The following SMG7 variants were observed in gnomAD, a reference collection of about 807,000 sequenced individuals.
The protein encoded by SMG7 is nonsense-mediated mRNA decay factor SMG7.
A neutral mutation model predicts 148.2 loss-of-function variants in SMG7; 34 were observed. The observed-to-expected ratio is 0.23, with a 90% CI of 0.17 to 0.31. The LOEUF (loss-of-function observed/expected upper bound fraction) is 0.31, where lower values mean the gene tolerates loss of function less well. Ranked by LOEUF, SMG7 falls within the 10% of genes least tolerant of loss-of-function variation. The pLI, the probability that SMG7 is intolerant of heterozygous loss-of-function variation, is 1.00. For synonymous variants in SMG7, 492 were observed against 515.1 expected (o/e 0.96, Z 0.61); for missense variants, 1,114 against 1,408.4 (o/e 0.79, Z 3.35).
intron 1 of SMG7, among the ~76,000 whole-genome samples, chr1:183,500,207 G>C (rs1486599277): frequency 2.0e-5 from 3 of 152,002 alleles, no homozygotes; most frequent in African/African-American, 7.2e-5. Flanking sequence ...TTTATATTAT[G>C]TTCTGTTTGA....
chr1:183,499,968 A>G (rs183413884), intron 1 of SMG7, among the ~76,000 whole-genome samples: 1 of 152,226 alleles, frequency 6.6e-6, no homozygotes, highest in Admixed American at 6.5e-5. Context: ...ACTAATTTTA[A>G]TCTGTTTATT....
In SMG7 at chr1:183,537,137, A is replaced by AT. The variant is rs1274107289; in HGVS notation, c.1164-5dup. The stretch of plus-strand genomic sequence containing the variant: ...AAATAAAGTCTGAACTCTTTCTTTA[A>AT]TTTACAGCATTTGGCCCTGGTTGAT... On this transcript the variant is annotated splice_region_variant and splice_polypyrimidine_tract_variant and intron_variant, in intron 10 of 22. Transcript: ENST00000688051. 6.2e-7 allele frequency: 1 copy of AT among 1,605,948 alleles called. No homozygotes were observed. The highest frequency in any genetic ancestry group is 8.5e-7 in the Non-Finnish European group (1 of 1,172,764).
At chr1:183,507,485 TCTG>T (rs1261705897) in intron 1 of SMG7, among the ~76,000 whole-genome samples, 1 of 152,242 alleles carries the variant, frequency 6.6e-6, no homozygotes, top group Non-Finnish European at 1.5e-5. Context: ...TTATGCTACT[TCTG>T]CTACTTACTA....
chr1:183,551,066 A>G lies in SMG7; in HGVS notation c.3326A>G (p.Asp1109Gly), dbSNP rs368937910. Residue 1109 changes from aspartate (D) to glycine (G), a missense_variant, in exon 22 of 23, where the codon GAT becomes GGT. Asp to Gly is a moderately conservative substitution (Grantham distance 94). Coordinates refer to ENST00000688051, the MANE Select transcript of SMG7 (RefSeq NM_001375584.1). The stretch of plus-strand genomic sequence containing the variant: ...TTAGCCATGGGTGGGTTTGGCATTG[A>G]TTATCTCTCAGCAACGTCATCCTCT... ...DKPAMGGFGIDYLSATSSSES... is the reference protein window; with the variant it reads ...DKPAMGGFGIGYLSATSSSES... 18 of 1,613,902 alleles carry G rather than the reference A, an allele frequency of 1.1e-5. No individual in the cohort carries two copies. The highest frequency in any genetic ancestry group is 1.7e-5 in the Admixed American group (1 of 59,968).
Position 183,504,495 on chromosome 1 carries a change from C to T in SMG7, c.30-8342C>T, listed in dbSNP as rs546969827. On this transcript the variant is annotated intron_variant, in intron 1 of 22. Coordinates refer to ENST00000688051, the MANE Select transcript of SMG7 (RefSeq NM_001375584.1). ...AGCTGGGATGACAGGCACCCGTCAC[C>T]ATGCCCGGCTAATTTTTATATTTTT... 1.6e-3 allele frequency among the ~76,000 whole-genome samples: 249 copies of T among 152,114 alleles called. 1 individual carries two copies. The highest frequency in any genetic ancestry group is 3.4e-3 in the Middle Eastern group (1 of 294).
At chr1:183,537,505 T>G (rs1331732738) in intron 11 of SMG7, among the ~76,000 whole-genome samples, 1 of 152,166 alleles carries the variant, frequency 6.6e-6, no homozygotes, top group Admixed American at 6.5e-5. Context: ...AAAAAGCAAT[T>G]AACATGAACA....
At chr1:183,533,374 A>G (rs1188785995) in intron 9 of SMG7, 48 bp downstream of exon 9, 2 of 1,559,682 alleles carry the variant, frequency 1.3e-6, no homozygotes, top group Non-Finnish European at 1.8e-6. Flanking sequence ...GAAAAACATC[A>G]TCTTAGGCAT....
In SMG7 at chr1:183,542,497, G is replaced by A. The variant is rs747569097; in HGVS notation, c.1837G>A (p.Val613Met). Reference protein sequence around the residue: ...LQETGKQNVAVQVKSQTELRK... With the variant: ...LQETGKQNVAMQVKSQTELRK... The stretch of plus-strand genomic sequence containing the variant: ...GGAAACAGGAAAGCAGAATGTGGCA[G>A]TGCAGGTAAGCTGTATTTGAACTAT... Residue 613 changes from valine (V) to methionine (M), a missense_variant, in exon 14 of 23, where the codon GTG becomes ATG. Coordinates refer to ENST00000688051, the MANE Select transcript of SMG7 (RefSeq NM_001375584.1). 6.2e-7 allele frequency: 1 copy of A among 1,611,618 alleles called. No individual in the cohort carries two copies. The highest frequency in any genetic ancestry group is 8.5e-7 in the Non-Finnish European group (1 of 1,178,938).
Position 183,549,769 on chromosome 1 carries a change from A to G in SMG7, c.2979A>G (p.Arg993=). The change falls in exon 20 of 23, where the codon AGA becomes AGG. Residue 993 remains arginine, a synonymous_variant. Transcript: ENST00000688051. ...TTCACTGTCATGTCTTTCAGGAAAG[A>G]TACCCAAATAATAGTATGTTCAATG... ...SLTGFSLNQE[R]YPNNSMFNEV... is the part of the protein sequence containing the mutation. 1 of 1,613,384 alleles carries G rather than the reference A, an allele frequency of 6.2e-7. No individual in the cohort carries two copies. The highest frequency in any genetic ancestry group is 8.5e-7 in the Non-Finnish European group (1 of 1,179,418).
chr1:183,549,889 G>A lies in SMG7; in HGVS notation c.3099G>A (p.Gly1033=). The change falls in exon 20 of 23, where the codon GGG becomes GGA. Residue 1033 remains glycine (G), a synonymous_variant. Coordinates refer to ENST00000688051, the MANE Select transcript of SMG7 (RefSeq NM_001375584.1). ...CATCTCTGTATTCCCTTTTTGAAGG[G>A]ACTCCGTGGTCTCCATCACTTCCTG... is the stretch of plus-strand genomic sequence containing the variant. ...QETSLYSLFE[G]TPWSPSLPAS... is the part of the protein sequence containing the mutation. 1 of 1,613,894 alleles carries A rather than the reference G, an allele frequency of 6.2e-7. No individual in the cohort carries two copies.
chr1:183,551,210 A>C lies in SMG7; in HGVS notation c.3450+20A>C. 2 of 1,550,578 alleles carry C rather than the reference A, an allele frequency of 1.3e-6. No homozygotes were observed. The highest frequency in any genetic ancestry group is 1.7e-6 in the Non-Finnish European group (2 of 1,155,164). On this transcript the variant is annotated intron_variant, in intron 22 of 22. Coordinates refer to ENST00000688051, the MANE Select transcript of SMG7 (RefSeq NM_001375584.1). ...CTAAAGGTGAGTAGATTTCAGGAAC[A>C]AGAACCACAAGATTATTACAGCAAA...
intron 1 of SMG7, among the ~76,000 whole-genome samples, chr1:183,500,627 A>G (rs1177284246): frequency 2.0e-5 from 3 of 152,170 alleles, no homozygotes; most frequent in Admixed American, 2.0e-4. Flanking sequence ...TGTGAGTCCA[A>G]TAATAGATGT....
intron 11 of SMG7, 143 bp downstream of exon 11, chr1:183,537,358 T>A: frequency 1.6e-6 from 1 of 631,754 alleles, no homozygotes; most frequent in Non-Finnish European, 2.9e-6. Flanking sequence ...TCTACATAAG[T>A]GGGTGGGTGG....
At chr1:183,486,702 C>T in intron 1 of SMG7, among the ~76,000 whole-genome samples, 1 of 152,096 alleles carries the variant, frequency 6.6e-6, no homozygotes, top group African/African-American at 2.4e-5. Context: ...AGCCACCACA[C>T]CTGGCCTTTT....
At chr1:183,547,353 G>T in intron 18 of SMG7, 101 bp downstream of exon 18, 1 of 1,114,624 alleles carries the variant, frequency 9.0e-7, no homozygotes, top group Non-Finnish European at 1.2e-6. Flanking sequence ...TCCTGGGGCT[G>T]TCCTTTTCAG....
intron 1 of SMG7, among the ~76,000 whole-genome samples, chr1:183,488,319 C>A (rs1656015837): frequency 6.6e-6 from 1 of 152,036 alleles, no homozygotes; most frequent in South Asian, 2.1e-4. Context: ...CCACTGGCCA[C>A]ATATGGCTAT....
intron 4 of SMG7, among the ~76,000 whole-genome samples, chr1:183,525,541 G>C (rs1330510354): frequency 6.6e-6 from 1 of 152,198 alleles, no homozygotes; most frequent in Non-Finnish European, 1.5e-5. Context: ...AAGTCAAGAG[G>C]AGAGTGTTTT....
chr1:183,519,808 A>G (rs1271949672), intron 4 of SMG7, among the ~76,000 whole-genome samples: 1 of 152,106 alleles, frequency 6.6e-6, no homozygotes, highest in Non-Finnish European at 1.5e-5. Context: ...ACAGTTTAGC[A>G]TTTTTGTGTA....
At chr1:183,525,061 TTGAA>T (rs1263984203) in intron 4 of SMG7, among the ~76,000 whole-genome samples, 9 of 152,176 alleles carry the variant, frequency 5.9e-5, no homozygotes, top group African/African-American at 2.2e-4. Context: ...ATAATAATAT[TTGAA>T]TGACGATATT....
Sources: gnomAD v4.1 joint callset for allele counts (sites outside exome capture counted in the v4.1 genomes callset) on GRCh38, gnomAD v4.1.1 for gene constraint, MANE v1.5 for transcripts, NCBI Gene and HGNC (gene_info 2026-07-23, HGNC 2026-07-21) for gene names.